Variants in PCDHA8 observed in about 807,000 individuals in gnomAD.
PCDHA8 encodes protocadherin alpha-8.
Under a neutral mutation model 61.8 loss-of-function variants are expected in PCDHA8, and 53 were observed. The ratio of observed to expected loss-of-function variants is 0.86; its 90% CI spans 0.69 to 1.08. The LOEUF (loss-of-function observed/expected upper bound fraction) is 1.08, where lower values mean the gene tolerates loss of function less well. Among genes scored for constraint, PCDHA8 ranks in the 50% least tolerant of loss-of-function variants. The probability of loss-of-function intolerance (pLI) is 0.00; values close to 1 mark genes in which losing one functional copy is unlikely to be tolerated. For missense variants in PCDHA8, 1,293 were observed against 1,245.0 expected (o/e 1.04, Z -0.58); for synonymous variants, 618 against 556.6 (o/e 1.11, Z -1.55).
chr5:140,928,643 T>C (rs2085399261), intron 1 of PCDHA8: 7 of 1,614,222 alleles, frequency 4.3e-6, no homozygotes, highest in Non-Finnish European at 5.9e-6. Context: ...ACAAAAGTGG[T>C]AGCAGAGGAT....
At chr5:140,913,003 T>C (rs1049022016) in intron 1 of PCDHA8, among the ~76,000 whole-genome samples, 29 of 152,204 alleles carry the variant, frequency 1.9e-4, no homozygotes, top group African/African-American at 7.0e-4. Flanking sequence ...TAGTATTTTG[T>C]TGAGGATTTT....
intron 1 of PCDHA8, chr5:140,851,169 T>C: frequency 1.6e-6 from 2 of 1,280,288 alleles, no homozygotes; most frequent in Non-Finnish European, 2.0e-6. Flanking sequence ...TATGCTGCCA[T>C]AACACTTGAA....
At chr5:140,906,993 C>T (rs1361320380) in intron 1 of PCDHA8, among the ~76,000 whole-genome samples, 1 of 152,146 alleles carries the variant, frequency 6.6e-6, no homozygotes, top group African/African-American at 2.4e-5. Flanking sequence ...CAGCATTCCT[C>T]CCTCTGGAAC....
At chr5:140,929,376 G>C in intron 1 of PCDHA8, 1 of 1,513,958 alleles carries the variant, frequency 6.6e-7, no homozygotes, top group Non-Finnish European at 8.8e-7. Flanking sequence ...ATGGCTGCTA[G>C]CTGTGTTTTG....
At chr5:140,927,409 A>T (rs1554204480) in intron 1 of PCDHA8, 4 of 1,614,120 alleles carry the variant, frequency 2.5e-6, no homozygotes, top group Non-Finnish European at 3.4e-6. Context: ...TCGCCTGGAC[A>T]TGGGATCGCG....
intron 3 of PCDHA8, among the ~76,000 whole-genome samples, chr5:140,993,156 A>G (rs2097543367): frequency 6.6e-6 from 1 of 152,188 alleles, no homozygotes; most frequent in Admixed American, 6.5e-5. Context: ...TGGATTCTAA[A>G]TATTTGCCTT....
At position 140,841,722 on chromosome 5, in the gene PCDHA8, G is replaced by T; in HGVS notation, c.401G>T (p.Arg134Leu). Residue 134 changes from arginine (R) to leucine (L), a missense_variant, in exon 1 of 4, where the codon CGG (arginine) becomes CTG (leucine). Arg to Leu is a moderately radical substitution (Grantham distance 102). Transcript: ENST00000531613. ...GTTAATGACAACCCGCCAGTGTTCCGGGTAAAAGACCAAAAGCTGTTTGTT... is the reference window on the plus strand; with the variant it reads ...GTTAATGACAACCCGCCAGTGTTCCTGGTAAAAGACCAAAAGCTGTTTGTT... ...KDVNDNPPVF[R>L]VKDQKLFVSE... The T allele has an allele frequency of 6.2e-7, 1 of 1,613,870 alleles. No individual in the cohort carries two copies. The highest frequency in any genetic ancestry group is 8.5e-7 in the Non-Finnish European group (1 of 1,179,886).
intron 1 of PCDHA8, chr5:140,847,633 C>T (rs2150402485): frequency 0.65 from 96,440 of 148,450 alleles, 34,032 homozygotes; most frequent in African/African-American, 0.71. Context: ...ATATTGGAGA[C>T]TACAAAGAAG....
chr5:140,887,801 G>T (rs1377550372), intron 1 of PCDHA8, among the ~76,000 whole-genome samples: 1 of 151,856 alleles, frequency 6.6e-6, no homozygotes, highest in Non-Finnish European at 1.5e-5. Context: ...CTTTATTTTT[G>T]TCCATTTCTT....
At chr5:140,870,461 C>T (rs1554164294) in intron 1 of PCDHA8, 1 of 1,614,246 alleles carries the variant, frequency 6.2e-7, no homozygotes, top group Non-Finnish European at 8.5e-7. Context: ...AATGCGCCTG[C>T]GTTCGCACAG....
In PCDHA8 at chr5:140,842,018, C is replaced by T; in HGVS notation, c.697C>T (p.Leu233=). 1 of 1,613,764 alleles carries T rather than the reference C, an allele frequency of 6.2e-7. No homozygotes were observed. Among genetic ancestry groups the T allele is most frequent in the Non-Finnish European group, 8.5e-7 (1 of 1,179,768 alleles). Residue 233 remains leucine, a synonymous_variant, in exon 1 of 4, where the codon CTG becomes TTG. Transcript: ENST00000531613. ...TGTVQLLVTV[L]DVNDNAPTFE... is the part of the protein sequence containing the mutation. The stretch of plus-strand genomic sequence containing the variant: ...CACTGTTCAGCTGCTGGTCACAGTG[C>T]TGGATGTGAATGATAATGCTCCCAC...
At chr5:140,971,782 A>G (rs1458049076) in intron 1 of PCDHA8, among the ~76,000 whole-genome samples, 1 of 152,166 alleles carries the variant, frequency 6.6e-6, no homozygotes, top group Non-Finnish European at 1.5e-5. Context: ...ATTCAAGATT[A>G]TTCAATATAT....
chr5:140,896,053 C>T (rs371706160), intron 1 of PCDHA8, among the ~76,000 whole-genome samples: 8 of 152,164 alleles, frequency 5.3e-5, no homozygotes, highest in Non-Finnish European at 1.2e-4. Context: ...TCAGGTGATC[C>T]GCCTGCCTCG....
At chr5:140,871,172 C>A in intron 1 of PCDHA8, 1 of 1,613,546 alleles carries the variant, frequency 6.2e-7, no homozygotes, top group South Asian at 1.1e-5. Context: ...AGCCCAGAGG[C>A]TGCGCTGGTG....
rs138621035 is a variant in PCDHA8 at position 140,848,721 on chromosome 5, G to A, written c.2394+5006G>A. ...TTCCAAAGGCCGCGGGGACCTTCTG[G>A]AGGTAAATCTGCAGAATGGCATTTT... On this transcript the variant is annotated intron_variant, in intron 1 of 3. Coordinates refer to ENST00000531613, the MANE Select transcript of PCDHA8 (RefSeq NM_018911.3). The A allele has an allele frequency of 1.9e-6, 3 of 1,592,458 alleles. No individual in the cohort carries two copies. Among genetic ancestry groups the A allele is most frequent in the African/African-American group, 2.7e-5 (2 of 74,256 alleles).
chr5:140,977,012 TTC>T (rs2096742095), intron 1 of PCDHA8, among the ~76,000 whole-genome samples: 1 of 152,220 alleles, frequency 6.6e-6, no homozygotes, highest in African/African-American at 2.4e-5. Context: ...GTAACTGTGA[TTC>T]TGTCAAATGA....
chr5:140,877,531 G>C, intron 1 of PCDHA8: 1 of 1,613,792 alleles, frequency 6.2e-7, no homozygotes, highest in Non-Finnish European at 8.5e-7. Context: ...AGTGGGCGCT[G>C]TGGATCCCGA....
At chr5:140,977,815 G>C (rs2096776039) in intron 1 of PCDHA8, among the ~76,000 whole-genome samples, 1 of 152,208 alleles carries the variant, frequency 6.6e-6, no homozygotes, top group Non-Finnish European at 1.5e-5. Context: ...ATTATTGACA[G>C]TTTTGAATGG....
chr5:140,982,300 GCTT>G, intron 2 of PCDHA8, 172 bp from the exon 3 acceptor site: 2 of 1,204,624 alleles, frequency 1.7e-6, no homozygotes, highest in Non-Finnish European at 1.1e-6. Context: ...AGTCAGCAAT[GCTT>G]CTGCAGTTTA....
Sources: allele counts gnomAD v4.1 joint callset (sites outside exome capture counted in the v4.1 genomes callset), GRCh38; gene constraint gnomAD v4.1.1; transcripts MANE v1.5; gene names NCBI Gene and HGNC (gene_info 2026-07-23, HGNC 2026-07-21).